ELF4: variants seen among roughly 807,000 people sequenced by gnomAD.
The protein encoded by ELF4 is E74 like ETS transcription factor 4.
Under a neutral mutation model 31.7 loss-of-function variants are expected in ELF4, and 10 were observed. The ratio of observed to expected loss-of-function variants is 0.32; its 90% CI spans 0.19 to 0.54. The LOEUF is 0.54. ELF4 is among the 20% of genes least tolerant of loss of function. The pLI, the probability that ELF4 is intolerant of heterozygous loss-of-function variation, is 0.95. For missense variants in ELF4, 418 were observed against 522.0 expected (o/e 0.80, Z 1.94); for synonymous variants, 208 against 226.7 (o/e 0.92, Z 0.74).
intron 1 of ELF4, 39 bp from the exon 2 acceptor site, chrX:130,081,578 C>A (rs1932889242): frequency 2.3e-6 from 1 of 427,190 alleles, no homozygotes; most frequent in Admixed American, 3.8e-5. Context: ...GAGTAAGTCA[C>A]CTTCCTTGAG....
chrX:130,066,944 T>A lies in ELF4; in HGVS notation c.1769A>T (p.Asn590Ile). 1 of 1,211,938 alleles carries A rather than the reference T, an allele frequency of 8.3e-7. No homozygotes were observed. The highest frequency in any genetic ancestry group is 1.7e-5 in the African/African-American group (1 of 57,807). The change falls in exon 9 of 9, where the codon AAT becomes ATT. Residue 590 changes from asparagine (N) to isoleucine (I), a missense_variant. Asn to Ile is a moderately radical substitution (Grantham distance 149). Transcript: ENST00000308167. ...PTQVVSRGSH[N>I]PSLLGNQTLS... ...AGTCTGGTTGCCCAGAAGGCTCGGATTGTGGGAACCCCTGGAAACCACCTG... is the reference window on the plus strand; with the variant it reads ...AGTCTGGTTGCCCAGAAGGCTCGGAATGTGGGAACCCCTGGAAACCACCTG...
intron 1 of ELF4, among the ~76,000 whole-genome samples, chrX:130,096,748 A>G (rs1933155653): frequency 9.0e-6 from 1 of 110,924 alleles, no homozygotes; most frequent in African/African-American, 3.3e-5. Flanking sequence ...GCCTCCCTAT[A>G]ATCCTAGGCA....
In ELF4 at chrX:130,071,056, T is replaced by C; in HGVS notation, c.793A>G (p.Met265Val). 8.3e-7 allele frequency: 1 copy of C among 1,211,911 alleles called. No individual in the cohort carries two copies. Among genetic ancestry groups the C allele is most frequent in the Non-Finnish European group, 1.1e-6 (1 of 895,517 alleles). The change falls in exon 7 of 9, where the codon ATG becomes GTG. Residue 265 changes from methionine (M) to valine (V), a missense_variant. Met to Val is a conservative substitution (Grantham distance 21, BLOSUM62 1). Transcript: ENST00000308167. ...AGCTCCTACCTTAGTGCCCGCCCCA[T>C]TGTCTCATAGTTCATGTCAGGCTTG... ...KNKPDMNYET[M>V]GRALRYYYQR...
chrX:130,070,061 C>A (rs746294514), intron 7 of ELF4, among the ~76,000 whole-genome samples: 1 of 111,882 alleles, frequency 8.9e-6, no homozygotes, highest in South Asian at 3.7e-4. Flanking sequence ...TCAAGCCCAC[C>A]TCCCCGGGTC....
Position 130,081,407 on chromosome X carries a change from T to C in ELF4, c.-77A>G. 9.7e-7 allele frequency: 1 copy of C among 1,026,586 alleles called. No homozygotes were observed. The highest frequency in any genetic ancestry group is 3.0e-5 in the East Asian group (1 of 32,981). The allele number at this position is 1,026,586 out of a possible 1,213,427, so 84.6% of individuals were successfully genotyped here. On this transcript the variant is annotated 5_prime_UTR_variant, in exon 2 of 9. Coordinates refer to ENST00000308167, the MANE Select transcript of ELF4 (RefSeq NM_001421.4). ...TGGGGCTTTCTTGATGAAGGGACAA[T>C]ACCCAGGTACTTTGGAGCCTAGAGC...
At chrX:130,087,237 T>A (rs1290515444) in intron 1 of ELF4, among the ~76,000 whole-genome samples, 1 of 111,902 alleles carries the variant, frequency 8.9e-6, no homozygotes, top group Non-Finnish European at 1.9e-5. Flanking sequence ...GAAACCCAAG[T>A]GTGGGGCAGC....
At chrX:130,105,468 G>C (rs912751212) in intron 1 of ELF4, among the ~76,000 whole-genome samples, 1 of 111,349 alleles carries the variant, frequency 9.0e-6, no homozygotes, top group Admixed American at 9.6e-5. Flanking sequence ...GGCAGTGAGA[G>C]AGGGAAAATG....
chrX:130,088,699 C>T (rs1462126507), intron 1 of ELF4, among the ~76,000 whole-genome samples: 2 of 111,475 alleles, frequency 1.8e-5, no homozygotes, highest in South Asian at 3.7e-4. Context: ...GGTGACAGAG[C>T]GAGACTCCAT....
At chrX:130,067,819 AT>A (rs60581571) in intron 8 of ELF4, among the ~76,000 whole-genome samples, 31 of 101,502 alleles carry the variant, frequency 3.1e-4, no homozygotes, top group East Asian at 1.5e-3. Context: ...TTTTTAATTT[AT>A]TTTTTTTTTT....
intron 1 of ELF4, among the ~76,000 whole-genome samples, chrX:130,093,006 TAA>T (rs35937720): frequency 3.9e-5 from 4 of 102,189 alleles, no homozygotes; most frequent in Non-Finnish European, 8.1e-5. Flanking sequence ...AGAATACTGT[TAA>T]AAAAAAAAAA....
rs183384292 is a variant in ELF4, at chrX:130,073,635, C to T, written c.340+414G>A. 1.4e-3 allele frequency among the ~76,000 whole-genome samples: 158 copies of T among 112,696 alleles called. 2 individuals are homozygous for T. In the East Asian group the frequency reaches 0.033, roughly 24 times the overall value. On this transcript the variant is annotated intron_variant, in intron 4 of 8. Coordinates refer to ENST00000308167, the MANE Select transcript of ELF4 (RefSeq NM_001421.4). ...CAAGTGATTCTCCTGCCTCAGCCTCCTGAGTAGCTGGGATTACAGGCTTGC... is the reference window on the plus strand; with the variant it reads ...CAAGTGATTCTCCTGCCTCAGCCTCTTGAGTAGCTGGGATTACAGGCTTGC...
intron 1 of ELF4, among the ~76,000 whole-genome samples, chrX:130,102,645 C>T (rs1250679827): frequency 1.4e-5 from 1 of 72,531 alleles, no homozygotes; most frequent in Non-Finnish European, 2.5e-5. Context: ...GAGAACATAC[C>T]TCTACAAAAA....
chrX:130,087,535 C>T (rs1383480106), intron 1 of ELF4, among the ~76,000 whole-genome samples: 1 of 112,736 alleles, frequency 8.9e-6, no homozygotes, highest in African/African-American at 3.2e-5. Context: ...GGCTGGAGTG[C>T]AGTGGCGCGA....
At position 130,065,539 on chromosome X, in the gene ELF4, G is replaced by A. The variant is rs1243406377; in HGVS notation, c.*1182C>T. On this transcript the variant is annotated 3_prime_UTR_variant, in exon 9 of 9. Coordinates refer to ENST00000308167, the MANE Select transcript of ELF4 (RefSeq NM_001421.4). The stretch of plus-strand genomic sequence containing the variant: ...GCAGGCTGGTCCGCCTTCGAGGTGA[G>A]TTGCAGGCAGGCTGAGCAGCAGAAA... 6 of 174,843 alleles carry A rather than the reference G, an allele frequency of 3.4e-5. No homozygotes were observed. The highest frequency in any genetic ancestry group is 5.9e-5 in the African/African-American group (2 of 34,088). 14.4% of individuals were successfully genotyped at this position (174,843 alleles called of 1,213,427 possible). A position where few individuals can be genotyped will look rare whatever the true frequency, so the allele number is the denominator to read the frequency against.
chrX:130,071,942 G>A (rs1052571389), intron 5 of ELF4, among the ~76,000 whole-genome samples: 5 of 112,580 alleles, frequency 4.4e-5, no homozygotes, highest in African/African-American at 1.6e-4. Context: ...TGGCCAGGGG[G>A]CCGAGCCTGG....
rs773746650 is a variant in ELF4 at position 130,066,635 on chromosome X, A to G, written c.*86T>C. ...GTGTATTGACATCCCACTGAAATGC[A>G]GGGGCAGGTGTGCTACTGAAGTCGG... On this transcript the variant is annotated 3_prime_UTR_variant, in exon 9 of 9. Coordinates refer to ENST00000308167, the MANE Select transcript of ELF4 (RefSeq NM_001421.4). 1.3e-4 allele frequency: 129 copies of G among 974,295 alleles called. 1 individual carries two copies. Among genetic ancestry groups the G allele is most frequent in the Middle Eastern group, 3.9e-4 (1 of 2,575 alleles). 80.3% of individuals were successfully genotyped at this position (974,295 alleles called of 1,213,427 possible).
Position 130,067,275 on chromosome X carries a change from G to C in ELF4, c.1438C>G (p.Pro480Ala). 8.2e-7 allele frequency: 1 copy of C among 1,212,229 alleles called. No individual in the cohort carries two copies. The highest frequency in any genetic ancestry group is 1.8e-5 in the South Asian group (1 of 57,046). Reference protein sequence around the residue: ...QDSQVAAPGAPLILSGLPQLL... With the variant: ...QDSQVAAPGAALILSGLPQLL... ...TGGGGGAGGCCACTGAGAATCAGTG[G>C]AGCCCCTGGGGCTGCCACCTGGCTG... Residue 480 changes from proline to alanine, a missense_variant, in exon 9 of 9, where the codon CCA becomes GCA. Pro to Ala is a conservative substitution (Grantham distance 27). Coordinates refer to ENST00000308167, the MANE Select transcript of ELF4 (RefSeq NM_001421.4).
At chrX:130,067,865 T>C (rs1193803927) in intron 8 of ELF4, among the ~76,000 whole-genome samples, 1 of 110,608 alleles carries the variant, frequency 9.0e-6, no homozygotes, top group Admixed American at 9.6e-5. Context: ...CAGGCTGGAG[T>C]GCAGTAGTGC....
At chrX:130,085,535 CCACGT>C (rs754414705) in intron 1 of ELF4, among the ~76,000 whole-genome samples, 8 of 111,904 alleles carry the variant, frequency 7.1e-5, no homozygotes, top group Non-Finnish European at 1.5e-4. Flanking sequence ...AATGTGAAAG[CCACGT>C]CCACAGTCTC....
Sources: allele counts gnomAD v4.1 joint callset (sites outside exome capture counted in the v4.1 genomes callset), GRCh38; gene constraint gnomAD v4.1.1; transcripts MANE v1.5; gene names NCBI Gene and HGNC (gene_info 2026-07-23, HGNC 2026-07-21).